HGF: variants seen among roughly 807,000 people sequenced by gnomAD.
HGF encodes hepatocyte growth factor.
A neutral mutation model predicts 111.6 loss-of-function variants in HGF; 39 were observed. The observed-to-expected ratio is 0.35, with a 90% CI of 0.27 to 0.46. The LOEUF (loss-of-function observed/expected upper bound fraction) is 0.46. Among genes scored for constraint, HGF ranks in the 20% least tolerant of loss-of-function variants. The pLI is 1.00. For missense variants in HGF, 735 were observed against 910.5 expected, an observed-to-expected ratio of 0.81 and a Z score of 2.48; for synonymous variants, 285 against 294.8, an observed-to-expected ratio of 0.97 and a Z score of 0.34.
At chr7:81,706,138 A>C (rs1789418939) in intron 15 of HGF, 149 bp downstream of exon 15, 2 of 726,582 alleles carry the variant, frequency 2.8e-6, no homozygotes, top group Admixed American at 4.7e-5. Flanking sequence ...GAGAGACCCA[A>C]ACGCACGCAT....
intron 4 of HGF, among the ~76,000 whole-genome samples, chr7:81,754,534 T>C (rs868839314): frequency 1.3e-5 from 2 of 152,024 alleles, no homozygotes; most frequent in Admixed American, 6.6e-5. Context: ...AAAGTAGATA[T>C]GGCCAAAACA....
Position 81,768,444 on chromosome 7 carries a change from A to G in HGF, c.88+1440T>C, listed in dbSNP as rs141703097. ...CCCCAGGCTGAAGTGCGGTGACACA[A>G]TCTCGGCTCACTGCAACCCCCACCT... On this transcript the variant is annotated intron_variant, in intron 1 of 17. Coordinates refer to ENST00000222390, the MANE Select transcript of HGF (RefSeq NM_000601.6). Among the ~76,000 whole-genome samples, 150 of 152,132 alleles carry G rather than the reference A, an allele frequency of 9.9e-4. 2 individuals are homozygous for G. In the East Asian group the frequency reaches 0.028, roughly 28 times the overall value.
At chr7:81,767,354 G>T (rs1327131543) in intron 1 of HGF, among the ~76,000 whole-genome samples, 4 of 151,300 alleles carry the variant, frequency 2.6e-5, no homozygotes, top group Non-Finnish European at 5.9e-5. Context: ...TCTCAGCTCT[G>T]TCCCTTAACT....
In HGF at chr7:81,759,944, A is replaced by C. The variant is rs962390971; in HGVS notation, c.255-1140T>G. On this transcript the variant is annotated intron_variant, in intron 2 of 17. Coordinates refer to ENST00000222390, the MANE Select transcript of HGF (RefSeq NM_000601.6). ...CTATTTATATAACAAAATGATAAAT[A>C]CGCAAAAAAATGATAAATTTGTTTT... Among the ~76,000 whole-genome samples, 3 of 152,202 alleles carry C rather than the reference A, an allele frequency of 2.0e-5. 1 individual carries two copies.
chr7:81,723,854 G>A (rs1789938739), intron 9 of HGF, among the ~76,000 whole-genome samples: 1 of 151,064 alleles, frequency 6.6e-6, no homozygotes, highest in Admixed American at 6.6e-5. Context: ...ATATATCTGT[G>A]TGTGTAGATT....
At chr7:81,731,370 G>A (rs923915304) in intron 7 of HGF, among the ~76,000 whole-genome samples, 7 of 152,084 alleles carry the variant, frequency 4.6e-5, no homozygotes, top group Non-Finnish European at 7.4e-5. Flanking sequence ...CTCAAATGAA[G>A]ATGAAAAATG....
intron 4 of HGF, among the ~76,000 whole-genome samples, chr7:81,753,205 A>T (rs1210374426): frequency 6.6e-6 from 1 of 152,088 alleles, no homozygotes; most frequent in Non-Finnish European, 1.5e-5. Flanking sequence ...ACATTAGAAA[A>T]GGCCAAGTCT....
intron 5 of HGF, among the ~76,000 whole-genome samples, chr7:81,745,749 A>G (rs915220190): frequency 6.6e-6 from 1 of 152,254 alleles, no homozygotes; most frequent in Non-Finnish European, 1.5e-5. Context: ...GGCTTAGGAT[A>G]GAAGATGACC....
intron 11 of HGF, among the ~76,000 whole-genome samples, chr7:81,713,707 TTTAACAAGCATCCTAGGTTC>T (rs1789633038): frequency 6.6e-6 from 1 of 152,152 alleles, no homozygotes; most frequent in African/African-American, 2.4e-5. Context: ...GATGCATCCA[TTTAACAAGCATCCTAGGTTC>T]TTCTGTTGCA....
intron 4 of HGF, among the ~76,000 whole-genome samples, chr7:81,753,661 A>G (rs1788610484): frequency 6.6e-6 from 1 of 152,018 alleles, no homozygotes; most frequent in South Asian, 2.1e-4. Flanking sequence ...ATTGGACAAA[A>G]CAAATAGTGT....
chr7:81,769,061 G>C (rs993512786), intron 1 of HGF, among the ~76,000 whole-genome samples: 15 of 152,022 alleles, frequency 9.9e-5, no homozygotes, highest in African/African-American at 3.6e-4. Context: ...GATATTCACT[G>C]CCTTCTCCCG....
intron 7 of HGF, among the ~76,000 whole-genome samples, chr7:81,737,492 A>T (rs1787870139): frequency 6.6e-6 from 1 of 152,008 alleles, no homozygotes; most frequent in Non-Finnish European, 1.5e-5. Context: ...GGTCCAGGAG[A>T]TCAAAACTAT....
chr7:81,753,838 A>G (rs979768162), intron 4 of HGF, among the ~76,000 whole-genome samples: 1 of 151,976 alleles, frequency 6.6e-6, no homozygotes, highest in Non-Finnish European at 1.5e-5. Context: ...TGACTGACAA[A>G]AATTATAATG....
rs773198515 is a variant in HGF, at chr7:81,705,515, A to G, written c.1885T>C (p.Leu629=). 2 of 1,612,678 alleles carry G rather than the reference A, an allele frequency of 1.2e-6. No homozygotes were observed. The highest frequency in any genetic ancestry group is 4.5e-5 in the East Asian group (2 of 44,818). ...YTGLINYDGL[L]RVAHLYIMGN... is the part of the protein sequence containing the mutation. ...ATTATATAGAGATGTGCCACTCGTAATAGGCCATCATAGTTGATCACTAGA... is the reference window on the plus strand; with the variant it reads ...ATTATATAGAGATGTGCCACTCGTAGTAGGCCATCATAGTTGATCACTAGA... Residue 629 remains leucine, a synonymous_variant, in exon 17 of 18, where the codon TTA becomes CTA. Transcript: ENST00000222390.
At chr7:81,735,240 A>G (rs1219343495) in intron 7 of HGF, among the ~76,000 whole-genome samples, 1 of 152,136 alleles carries the variant, frequency 6.6e-6, no homozygotes, top group East Asian at 1.9e-4. Flanking sequence ...GCCAGGATTC[A>G]TACCTCAAAC....
intron 10 of HGF, among the ~76,000 whole-genome samples, chr7:81,719,352 C>T (rs2115860912): frequency 6.6e-6 from 1 of 152,234 alleles, no homozygotes; most frequent in East Asian, 1.9e-4. Flanking sequence ...TGTTTGCTTG[C>T]ATCCCACACT....
At chr7:81,753,735 C>G (rs1788615526) in intron 4 of HGF, among the ~76,000 whole-genome samples, 1 of 151,926 alleles carries the variant, frequency 6.6e-6, no homozygotes, top group Admixed American at 6.6e-5. Context: ...TATTATGCAA[C>G]TTCAATGCAT....
At chr7:81,715,048 T>G (rs2115831655) in intron 11 of HGF, among the ~76,000 whole-genome samples, 1 of 152,210 alleles carries the variant, frequency 6.6e-6, no homozygotes, top group African/African-American at 2.4e-5. Flanking sequence ...TTTTGAAAAC[T>G]TGTAAATTAT....
In HGF at chr7:81,702,583, A is replaced by G. The variant is rs780528260; in HGVS notation, c.2185T>C (p.Ter729GlnextTer3). Residue 729 changes from the stop codon to glutamine, a stop_lost, in exon 18 of 18, where the codon TAG (stop) becomes CAG (glutamine). Transcript: ENST00000222390. ...TGCTTCAGACACACTTACTTCAGCT[A>G]TGACTGTGGTACCTTATATGTTAAA... ...IILTYKVPQS[*>Q] The G allele has an allele frequency of 1.2e-6, 2 of 1,609,216 alleles. No individual in the cohort carries two copies. The highest frequency in any genetic ancestry group is 1.7e-6 in the Non-Finnish European group (2 of 1,176,224).
Sources: gnomAD v4.1 joint callset for allele counts (sites outside exome capture counted in the v4.1 genomes callset) on GRCh38, gnomAD v4.1.1 for gene constraint, MANE v1.5 for transcripts, NCBI Gene and HGNC (gene_info 2026-07-23, HGNC 2026-07-21) for gene names.